Variants in ORC4 observed in about 807,000 individuals in gnomAD.
ORC4 encodes origin recognition complex subunit 4, also known as origin recognition complex, subunit 4 homolog.
Under a neutral mutation model 63.9 loss-of-function variants are expected in ORC4, and 55 were observed. The ratio of observed to expected loss-of-function variants is 0.86; its 90% CI spans 0.69 to 1.08. The LOEUF (loss-of-function observed/expected upper bound fraction) is 1.08. Ranked by LOEUF, ORC4 falls within the 50% of genes least tolerant of loss-of-function variation. The pLI is 0.00. For synonymous variants in ORC4, 150 were observed against 168.5 expected (o/e 0.89, Z 0.85); for missense variants, 511 against 504.4 (o/e 1.01, Z -0.13).
intron 1 of ORC4, among the ~76,000 whole-genome samples, chr2:147,989,678 C>T (rs1259878191): frequency 6.6e-6 from 1 of 152,022 alleles, no homozygotes; most frequent in Non-Finnish European, 1.5e-5. Flanking sequence ...ACTGCACTCC[C>T]ACCAGGGCAA....
chr2:147,936,620 C>A (rs1688064404), intron 13 of ORC4: 1 of 152,242 alleles, frequency 6.6e-6, no homozygotes, highest in Admixed American at 6.5e-5. Flanking sequence ...ATACTGGAGG[C>A]TGCAGGTGTT....
chr2:148,019,360 C>G (rs2603602), intron 1 of ORC4, among the ~76,000 whole-genome samples: 1 of 152,188 alleles, frequency 6.6e-6, no homozygotes, highest in African/African-American at 2.4e-5. Flanking sequence ...GAGGCCGAGG[C>G]GGGAGGATCA....
chr2:147,954,723 GAAC>G (rs1416106414), intron 7 of ORC4, among the ~76,000 whole-genome samples: 1 of 151,988 alleles, frequency 6.6e-6, no homozygotes, highest in Non-Finnish European at 1.5e-5. Flanking sequence ...GCAAATTAAA[GAAC>G]AAAATTATTC....
chr2:147,982,995 C>T (rs544446873), intron 1 of ORC4, among the ~76,000 whole-genome samples: 6 of 152,220 alleles, frequency 3.9e-5, no homozygotes, highest in South Asian at 2.1e-4. Context: ...TATCATTATC[C>T]GCTAGGAAAA....
At chr2:148,005,266 T>C (rs1452389975) in intron 1 of ORC4, among the ~76,000 whole-genome samples, 1 of 152,080 alleles carries the variant, frequency 6.6e-6, no homozygotes, top group Admixed American at 6.5e-5. Flanking sequence ...GGGACACGGA[T>C]GAAGCTGGAA....
intron 10 of ORC4, among the ~76,000 whole-genome samples, chr2:147,940,164 A>G (rs17225621): frequency 1.3e-5 from 2 of 151,590 alleles, no homozygotes; most frequent in Non-Finnish European, 2.9e-5. Context: ...TTAGTTATTA[A>G]TTTTTTAATT....
intron 1 of ORC4, chr2:147,981,859 A>T (rs893234442): frequency 2.6e-5 from 4 of 152,386 alleles, no homozygotes; most frequent in East Asian, 3.9e-4. Context: ...AATAACCTGA[A>T]GGAAGATCAG....
At chr2:147,937,976 A>C (rs559646154) in intron 13 of ORC4, 170 bp downstream of exon 13, 4 of 639,008 alleles carry the variant, frequency 6.3e-6, no homozygotes, top group Non-Finnish European at 1.1e-5. Flanking sequence ...ACAACCGGTC[A>C]CTTCCTCAGA....
intron 5 of ORC4, 55 bp from the exon 6 acceptor site, chr2:147,958,438 C>T: frequency 2.3e-6 from 3 of 1,301,694 alleles, no homozygotes; most frequent in Non-Finnish European, 3.3e-6. Flanking sequence ...GTATTTGATA[C>T]AGCAGGTTGT....
intron 4 of ORC4, among the ~76,000 whole-genome samples, chr2:147,970,823 A>G (rs1690169053): frequency 6.6e-6 from 1 of 152,136 alleles, no homozygotes; most frequent in South Asian, 2.1e-4. Context: ...GAAAAAACTG[A>G]CAAATTAGAT....
At chr2:147,978,715 A>G (rs1053068364) in intron 1 of ORC4, among the ~76,000 whole-genome samples, 4 of 152,192 alleles carry the variant, frequency 2.6e-5, no homozygotes, top group Non-Finnish European at 5.9e-5. Context: ...AAAATCCTCA[A>G]CAAATACTGG....
upstream of ORC4, chr2:148,021,500 T>C (rs1361505856): frequency 3.5e-6 from 2 of 566,776 alleles, no homozygotes; most frequent in Non-Finnish European, 6.8e-6. Flanking sequence ...CTGCTGCTAC[T>C]GCTGCTGCTG....
Position 147,980,877 on chromosome 2 carries a change from A to T in ORC4, c.-17-4902T>A, listed in dbSNP as rs1257811946. Among the ~76,000 whole-genome samples the T allele has an allele frequency of 2.0e-5, 3 of 152,214 alleles. No homozygotes were observed. In the East Asian group the frequency reaches 5.8e-4, roughly 29 times the overall value. ...CACTCCTGAATATCCATCAATATAT[A>T]CAAAGGAAATGAAATCAATATGTCA... On this transcript the variant is annotated intron_variant, in intron 1 of 13. Transcript: ENST00000392857.
At chr2:148,005,354 A>T (rs143934952) in intron 1 of ORC4, among the ~76,000 whole-genome samples, 5,179 of 152,112 alleles carry the variant, frequency 0.034, 121 homozygotes, top group Middle Eastern at 0.088. Flanking sequence ...CTGAACAATG[A>T]GAACACATGG....
intron 1 of ORC4, among the ~76,000 whole-genome samples, chr2:147,979,646 T>C (rs139570367): frequency 2.0e-4 from 31 of 151,896 alleles, no homozygotes; most frequent in African/African-American, 7.2e-5. Context: ...TAAAGAACAA[T>C]GCTGGAGGTA....
At chr2:147,969,074 C>T (rs1690061231) in intron 4 of ORC4, among the ~76,000 whole-genome samples, 4 of 151,630 alleles carry the variant, frequency 2.6e-5, no homozygotes, top group African/African-American at 7.3e-5. Flanking sequence ...CTATGGAAGC[C>T]AAGAAAAGTA....
chr2:147,996,649 A>C (rs760898082), intron 1 of ORC4, among the ~76,000 whole-genome samples: 7 of 152,230 alleles, frequency 4.6e-5, no homozygotes, highest in Non-Finnish European at 8.8e-5. Flanking sequence ...AAATAAGCAT[A>C]TGAAAAGATG....
chr2:148,011,489 A>G (rs1191174173), intron 1 of ORC4, among the ~76,000 whole-genome samples: 3 of 152,226 alleles, frequency 2.0e-5, no homozygotes, highest in Admixed American at 6.5e-5. Flanking sequence ...TGATAAAGCC[A>G]TACACAACAA....
At chr2:148,004,344 G>C (rs111892848) in intron 1 of ORC4, among the ~76,000 whole-genome samples, 2,234 of 152,214 alleles carry the variant, frequency 0.015, 18 homozygotes, top group Non-Finnish European at 0.022. Context: ...GAGGCATCAC[G>C]CTACCTGACT....
Sources: gnomAD v4.1 joint callset for allele counts (sites outside exome capture counted in the v4.1 genomes callset) on GRCh38, gnomAD v4.1.1 for gene constraint, MANE v1.5 for transcripts, NCBI Gene and HGNC (gene_info 2026-07-23, HGNC 2026-07-21) for gene names.